Variants in C8orf34 observed in about 807,000 individuals in gnomAD.
C8orf34 encodes chromosome 8 open reading frame 34.
In C8orf34, 65 loss-of-function variants were observed where a neutral mutation model predicts 68.3. The observed-to-expected ratio is 0.95, with a 90% CI of 0.78 to 1.17. The LOEUF is 1.17. C8orf34 is among the 50% of genes most tolerant of loss of function. The pLI is 0.00. For synonymous variants in C8orf34, 244 were observed against 241.2 expected, an observed-to-expected ratio of 1.01 and a Z score of -0.11; for missense variants, 664 against 655.4, an observed-to-expected ratio of 1.01 and a Z score of -0.14.
At chr8:68,493,210 C>G (rs532844884) in intron 5 of C8orf34, among the ~76,000 whole-genome samples, 2 of 152,138 alleles carry the variant, frequency 1.3e-5, no homozygotes. Context: ...TCAAAGGACA[C>G]AACACTCACA....
At chr8:68,728,027 C>T (rs1465378312) in intron 10 of C8orf34, among the ~76,000 whole-genome samples, 1 of 152,196 alleles carries the variant, frequency 6.6e-6, no homozygotes, top group Non-Finnish European at 1.5e-5. Flanking sequence ...ATCACATAGT[C>T]AGGCTGCAAA....
At chr8:68,662,260 G>A (rs1056187082) in intron 8 of C8orf34, among the ~76,000 whole-genome samples, 2 of 152,182 alleles carry the variant, frequency 1.3e-5, no homozygotes, top group Non-Finnish European at 2.9e-5. Flanking sequence ...AACAGGTGAT[G>A]CTGTTGACAA....
At chr8:68,592,094 T>G (rs1817406416) in intron 7 of C8orf34, among the ~76,000 whole-genome samples, 2 of 152,156 alleles carry the variant, frequency 1.3e-5, no homozygotes, top group Admixed American at 1.3e-4. Flanking sequence ...TTGGCTTCAG[T>G]TTATAACACA....
At chr8:68,663,465 T>C (rs185867134) in intron 8 of C8orf34, among the ~76,000 whole-genome samples, 1 of 152,286 alleles carries the variant, frequency 6.6e-6, no homozygotes, top group African/African-American at 2.4e-5. Context: ...CACTAAATCT[T>C]ATCTAAAAAA....
intron 3 of C8orf34, among the ~76,000 whole-genome samples, chr8:68,459,730 C>G (rs1811711307): frequency 6.6e-6 from 1 of 152,172 alleles, no homozygotes; most frequent in Admixed American, 6.5e-5. Flanking sequence ...CAGCACTATT[C>G]ACAATAGAAA....
chr8:68,765,410 A>C (rs16935014), intron 10 of C8orf34, among the ~76,000 whole-genome samples: 43,534 of 152,124 alleles, frequency 0.29, 6,737 homozygotes, highest in African/African-American at 0.39. Flanking sequence ...AATGACCAGC[A>C]CCCATTAAGC....
chr8:68,359,608 C>A (rs1309038999), intron 1 of C8orf34, among the ~76,000 whole-genome samples: 1 of 152,188 alleles, frequency 6.6e-6, no homozygotes, highest in Non-Finnish European at 1.5e-5. Context: ...AGTGAGCCAA[C>A]ATTTTCAGAT....
In C8orf34 at chr8:68,724,090, T is replaced by G. The variant is rs568053399; in HGVS notation, c.1404+2653T>G. ...TGTCAGGACCCTGAAGCAGACAATTTCTAGATGGTAGCTGCTTTTATTATG... is the reference window on the plus strand; with the variant it reads ...TGTCAGGACCCTGAAGCAGACAATTGCTAGATGGTAGCTGCTTTTATTATG... On this transcript the variant is annotated intron_variant, in intron 10 of 13. Transcript: ENST00000518698. Among the ~76,000 whole-genome samples the G allele has an allele frequency of 2.8e-4, 42 of 152,242 alleles. 1 individual carries two copies. Among genetic ancestry groups the G allele is most frequent in the African/African-American group, 9.9e-4 (41 of 41,556 alleles).
At chr8:68,463,265 C>A (rs1811935945) in intron 3 of C8orf34, among the ~76,000 whole-genome samples, 2 of 152,106 alleles carry the variant, frequency 1.3e-5, no homozygotes, top group South Asian at 2.1e-4. Flanking sequence ...TCTGAATAGA[C>A]CAATAACAGG....
At chr8:68,424,567 A>G (rs1254179384) in intron 1 of C8orf34, among the ~76,000 whole-genome samples, 1 of 152,170 alleles carries the variant, frequency 6.6e-6, no homozygotes, top group Admixed American at 6.5e-5. Context: ...TAAACAATCA[A>G]TTACAAATAT....
At position 68,818,928 on chromosome 8, in the gene C8orf34, A is replaced by T. The variant is rs554586147; in HGVS notation, c.*682A>T. The T allele has an allele frequency of 6.6e-6, 1 of 152,300 alleles. No individual in the cohort carries two copies. The highest frequency in any genetic ancestry group is 2.4e-5 in the African/African-American group (1 of 41,576). The allele number at this position is 152,300 out of a possible 1,614,324, so 9.4% of individuals were successfully genotyped here. A position where few individuals can be genotyped will look rare whatever the true frequency, so the allele number is the denominator to read the frequency against. ...TATCCAATTATTGAACCCAATTAAG[A>T]TGATCCATTTTAAATTTAATATATG... is the stretch of plus-strand genomic sequence containing the variant. On this transcript the variant is annotated 3_prime_UTR_variant, in exon 14 of 14. Transcript: ENST00000518698.
chr8:68,660,472 C>T (rs1301822700), intron 8 of C8orf34, among the ~76,000 whole-genome samples: 1 of 152,206 alleles, frequency 6.6e-6, no homozygotes, highest in South Asian at 2.1e-4. Flanking sequence ...TTTACCCACA[C>T]ACTGTCTTTC....
rs112389529 is a variant in C8orf34, at chr8:68,351,025, G to C, written c.327+19686G>C. On this transcript the variant is annotated intron_variant, in intron 1 of 13. Coordinates refer to ENST00000518698, the MANE Select transcript of C8orf34 (RefSeq NM_052958.4). ...TTTTCTGTTAGCTGGTTATTATGTT[G>C]GCTTGTTTGTGTGGTTGCTTTACAG... Among the ~76,000 whole-genome samples the C allele has an allele frequency of 8.1e-3, 1,233 of 151,820 alleles. 41 individuals carry two copies. In the East Asian group the frequency reaches 0.1, roughly 13 times the overall value.
At chr8:68,435,123 A>C (rs1270019109) in intron 1 of C8orf34, among the ~76,000 whole-genome samples, 1 of 149,784 alleles carries the variant, frequency 6.7e-6, no homozygotes, top group African/African-American at 2.4e-5. Context: ...TGTATTATTC[A>C]TATATAATAT....
chr8:68,385,491 G>C (rs1398114652), intron 1 of C8orf34, among the ~76,000 whole-genome samples: 10 of 152,172 alleles, frequency 6.6e-5, no homozygotes, highest in Admixed American at 4.6e-4. Flanking sequence ...TATACAATTT[G>C]TGATTAAATG....
At chr8:68,442,980 TC>T (rs1035067066) in intron 2 of C8orf34, among the ~76,000 whole-genome samples, 2 of 152,168 alleles carry the variant, frequency 1.3e-5, no homozygotes, top group Admixed American at 6.5e-5. Context: ...AAGTGACATT[TC>T]CCATAAGAGA....
At chr8:68,472,311 C>T (rs1244598808) in intron 4 of C8orf34, among the ~76,000 whole-genome samples, 1 of 152,158 alleles carries the variant, frequency 6.6e-6, no homozygotes, top group Admixed American at 6.6e-5. Context: ...CCCATTCCTT[C>T]AAGTGTTTGC....
In C8orf34 at chr8:68,521,777, C is replaced by T. The variant is rs562288509; in HGVS notation, c.766-22C>T. Reference sequence around the variant, plus strand: ...AATAAGAAAAAGCCATCTAAGACAGCATATTCTTTTCTTCTCTTCAGGAAA... The same window carrying T: ...AATAAGAAAAAGCCATCTAAGACAGTATATTCTTTTCTTCTCTTCAGGAAA... On this transcript the variant is annotated intron_variant, in intron 5 of 13. Transcript: ENST00000518698. The T allele has an allele frequency of 1.7e-4, 276 of 1,601,518 alleles. 6 individuals carry two copies. The South Asian group carries it at 2.9e-3, about 17-fold the overall frequency.
At chr8:68,812,302 C>T (rs1463030223) in intron 12 of C8orf34, among the ~76,000 whole-genome samples, 3 of 152,060 alleles carry the variant, frequency 2.0e-5, no homozygotes, top group East Asian at 1.9e-4. Context: ...TTTTCAATCC[C>T]ATGGTAAGCT....
Sources: gnomAD v4.1 joint callset for allele counts (sites outside exome capture counted in the v4.1 genomes callset) on GRCh38, gnomAD v4.1.1 for gene constraint, MANE v1.5 for transcripts, NCBI Gene and HGNC (gene_info 2026-07-23, HGNC 2026-07-21) for gene names.